GRB2: variants seen among roughly 807,000 people sequenced by gnomAD.
GRB2 encodes the protein growth factor receptor bound protein 2, also known as growth factor receptor-bound protein 2.
In GRB2, 2 loss-of-function variants were observed where a neutral mutation model predicts 27.4. The observed-to-expected ratio is 0.07, with a 90% CI of 0.03 to 0.23. GRB2 has a LOEUF of 0.23. Among genes scored for constraint, GRB2 ranks in the 10% least tolerant of loss-of-function variants. GRB2 has a pLI of 1.00. For synonymous variants in GRB2, 94 were observed against 99.6 expected (o/e 0.94, Z 0.33); for missense variants, 102 against 282.4 (o/e 0.36, Z 4.58).
intron 2 of GRB2, among the ~76,000 whole-genome samples, chr17:75,383,413 G>A (rs183492524): frequency 1.3e-3 from 193 of 152,306 alleles, no homozygotes; most frequent in African/African-American, 3.8e-3. Context: ...ACTTTTATGC[G>A]TAGAGTCATG....
In GRB2 at chr17:75,393,633, A is replaced by G. The variant is rs748293465; in HGVS notation, c.-5T>C. 6.2e-7 allele frequency: 1 copy of G among 1,612,960 alleles called. No homozygotes were observed. The highest frequency in any genetic ancestry group is 1.1e-5 in the South Asian group (1 of 91,064). ...ATATTTGGCGATGGCTTCCATTCTG[A>G]GCGCTGCTCAGTGCTCAGCAGCCTG... On this transcript the variant is annotated 5_prime_UTR_variant, in exon 2 of 6. Transcript: ENST00000316804.
chr17:75,332,391 A>C (rs755056531), intron 3 of GRB2, among the ~76,000 whole-genome samples: 71 of 152,190 alleles, frequency 4.7e-4, no homozygotes, highest in Non-Finnish European at 5.1e-4. Flanking sequence ...AAAACTCAAA[A>C]AAAATGCAGA....
Position 75,374,273 on chromosome 17 carries a change from G to A in GRB2, c.78+19278C>T, listed in dbSNP as rs557456844. ...ACAAAAATTAGCCAGACGTAGTGGCGGGCGCCTATAATTCCAGCTAGTCAG... is the reference window on the plus strand; with the variant it reads ...ACAAAAATTAGCCAGACGTAGTGGCAGGCGCCTATAATTCCAGCTAGTCAG... On this transcript the variant is annotated intron_variant, in intron 2 of 5. Transcript: ENST00000316804. 9.8e-4 allele frequency among the ~76,000 whole-genome samples: 148 copies of A among 151,454 alleles called. 1 individual carries two copies. Among genetic ancestry groups the A allele is most frequent in the Non-Finnish European group, 1.8e-3 (121 of 67,690 alleles).
rs533138402 is a variant in GRB2, at chr17:75,404,673, T to C, written c.-138+816A>G. Among the ~76,000 whole-genome samples, 50 of 152,154 alleles carry C rather than the reference T, an allele frequency of 3.3e-4. 1 individual carries two copies. Among genetic ancestry groups the C allele is most frequent in the South Asian group, 2.5e-3 (12 of 4,822 alleles). ...AGAAAGAGGAGTAAGAAAGCCAAAA[T>C]AGACTAATGCTAATTTCTCTCATGT... On this transcript the variant is annotated intron_variant, in intron 1 of 5. Coordinates refer to ENST00000316804, the MANE Select transcript of GRB2 (RefSeq NM_002086.5).
At chr17:75,329,317 A>C (rs1057108260) in intron 3 of GRB2, among the ~76,000 whole-genome samples, 1 of 152,130 alleles carries the variant, frequency 6.6e-6, no homozygotes, top group South Asian at 2.1e-4. Flanking sequence ...GATGTACATG[A>C]AGCAAACATA....
chr17:75,339,201 T>G (rs957156436), intron 2 of GRB2: 54 of 918,160 alleles, frequency 5.9e-5, no homozygotes, highest in African/African-American at 1.8e-4. Context: ...TTATGTTTTT[T>G]TTTTTTTTTT....
intron 2 of GRB2, among the ~76,000 whole-genome samples, chr17:75,354,276 G>C (rs1472481473): frequency 6.5e-5 from 8 of 122,356 alleles, no homozygotes; most frequent in African/African-American, 2.1e-4. Context: ...GGGGGGGGGG[G>C]GAGATGGAGT....
At chr17:75,373,760 C>A (rs1412059739) in intron 2 of GRB2, 1 of 148,884 alleles carries the variant, frequency 6.7e-6, no homozygotes, top group African/African-American at 2.5e-5. Flanking sequence ...TTAGGAGATA[C>A]TCAATAATTT....
At chr17:75,354,273 G>A (rs868244693) in intron 2 of GRB2, among the ~76,000 whole-genome samples, 2 of 95,128 alleles carry the variant, frequency 2.1e-5, no homozygotes. Context: ...TTGGGGGGGG[G>A]GGGGAGATGG....
chr17:75,323,769 A>G (rs2078476653), intron 4 of GRB2, among the ~76,000 whole-genome samples: 1 of 151,236 alleles, frequency 6.6e-6, no homozygotes, highest in South Asian at 2.1e-4. Flanking sequence ...TCAGTATAAA[A>G]CTAAAGAAAG....
At chr17:75,361,234 A>G (rs760839108) in intron 2 of GRB2, among the ~76,000 whole-genome samples, 3 of 152,228 alleles carry the variant, frequency 2.0e-5, no homozygotes, top group Non-Finnish European at 4.4e-5. Flanking sequence ...TAAAAAGAAA[A>G]AGTGCAATTC....
intron 2 of GRB2, among the ~76,000 whole-genome samples, chr17:75,374,480 A>C (rs974764083): frequency 1.3e-5 from 2 of 151,088 alleles, no homozygotes; most frequent in Non-Finnish European, 2.9e-5. Flanking sequence ...CTGTAATCCC[A>C]GCATTTTGGG....
intron 2 of GRB2, among the ~76,000 whole-genome samples, chr17:75,339,815 G>A (rs1028558183): frequency 2.0e-5 from 3 of 152,058 alleles, no homozygotes; most frequent in Non-Finnish European, 4.4e-5. Context: ...TTTTAGTAGA[G>A]ATGGAGTTTC....
At chr17:75,369,995 C>G (rs2078845633) in intron 2 of GRB2, among the ~76,000 whole-genome samples, 1 of 152,194 alleles carries the variant, frequency 6.6e-6, no homozygotes, top group Non-Finnish European at 1.5e-5. Flanking sequence ...ATTACTTACT[C>G]AAAACATGGA....
At chr17:75,385,343 C>T (rs2078957249) in intron 2 of GRB2, among the ~76,000 whole-genome samples, 1 of 152,060 alleles carries the variant, frequency 6.6e-6, no homozygotes, top group Non-Finnish European at 1.5e-5. Context: ...TTGAGACCAG[C>T]CCGGCCAACA....
chr17:75,344,428 T>C (rs977776555), intron 2 of GRB2: 3 of 151,202 alleles, frequency 2.0e-5, no homozygotes, highest in African/African-American at 7.3e-5. Flanking sequence ...GTCTTGCTTT[T>C]GTTGCCCAGG....
chr17:75,380,038 C>T lies in GRB2; in HGVS notation c.78+13513G>A, dbSNP rs139778590. On this transcript the variant is annotated intron_variant, in intron 2 of 5. Transcript: ENST00000316804. ...ATCTAGATAGCAAGACCAGTTTTAG[C>T]GCCAATTTGTTTATTCGTAGAGAAA... 6.2e-3 allele frequency among the ~76,000 whole-genome samples: 950 copies of T among 152,264 alleles called. 13 individuals carry two copies. The highest frequency in any genetic ancestry group is 0.021 in the African/African-American group (856 of 41,546).
chr17:75,325,886 G>A lies in GRB2; in HGVS notation c.299+12C>T, dbSNP rs374067082. 6.2e-7 allele frequency: 1 copy of A among 1,613,192 alleles called. No homozygotes were observed. The highest frequency in any genetic ancestry group is 2.2e-5 in the East Asian group (1 of 44,872). The stretch of plus-strand genomic sequence containing the variant: ...GACAGGATTCCAGGCAACTGCAGCA[G>A]GAAATACTTACTTGACAGAGAGGGA... On this transcript the variant is annotated intron_variant, in intron 4 of 5. Coordinates refer to ENST00000316804, the MANE Select transcript of GRB2 (RefSeq NM_002086.5).
At chr17:75,339,395 A>G (rs866552684) in intron 2 of GRB2, among the ~76,000 whole-genome samples, 11 of 151,278 alleles carry the variant, frequency 7.3e-5, no homozygotes, top group African/African-American at 2.2e-4. Flanking sequence ...GGGTTTCACT[A>G]TGTTGGCCAG....
Sources: allele counts gnomAD v4.1 joint callset (sites outside exome capture counted in the v4.1 genomes callset), GRCh38; gene constraint gnomAD v4.1.1; transcripts MANE v1.5; gene names NCBI Gene and HGNC (gene_info 2026-07-23, HGNC 2026-07-21).